Variants in TTLL7 observed in about 807,000 individuals in gnomAD.
The protein encoded by TTLL7 is tubulin polyglutamylase TTLL7.
A neutral mutation model predicts 120.2 loss-of-function variants in TTLL7; 53 were observed. The ratio of observed to expected loss-of-function variants is 0.44; its 90% CI spans 0.35 to 0.55. The LOEUF is 0.55. Among genes scored for constraint, TTLL7 ranks in the 20% least tolerant of loss-of-function variants. The pLI is 0.00. For synonymous variants in TTLL7, 353 were observed against 351.7 expected, an observed-to-expected ratio of 1.00 and a Z score of -0.04; for missense variants, 803 against 1,054.7, an observed-to-expected ratio of 0.76 and a Z score of 3.31.
chr1:83,923,320 T>G (rs1421978816), intron 10 of TTLL7, among the ~76,000 whole-genome samples: 1 of 140,502 alleles, frequency 7.1e-6, no homozygotes, highest in African/African-American at 2.7e-5. Context: ...AAAATAGAAA[T>G]GAAAAGAGGA....
chr1:83,908,798 T>C (rs953863651), intron 15 of TTLL7, among the ~76,000 whole-genome samples: 1 of 151,984 alleles, frequency 6.6e-6, no homozygotes, highest in Non-Finnish European at 1.5e-5. Context: ...ATATTTCTCT[T>C]CATTAGCTGT....
chr1:83,890,234 ATCAT>A (rs755950567), intron 19 of TTLL7, 83 bp downstream of exon 19: 106 of 1,320,234 alleles, frequency 8.0e-5, no homozygotes, highest in Non-Finnish European at 1.0e-4. Flanking sequence ...ATTTTAAAAG[ATCAT>A]TCAAGCATTT....
At chr1:83,988,959 C>T (rs1246174676) in intron 1 of TTLL7, among the ~76,000 whole-genome samples, 2 of 152,094 alleles carry the variant, frequency 1.3e-5, no homozygotes, top group African/African-American at 2.4e-5. Context: ...CCGCCCTCCT[C>T]GGCCCTCCAA....
Position 83,911,363 on chromosome 1 carries a change from G to A in TTLL7, c.1588C>T (p.Pro530Ser), listed in dbSNP as rs1298559110. Residue 530 changes from proline (P) to serine (S), a missense_variant and splice_region_variant, in exon 15 of 21, where the codon CCT becomes TCT. Physicochemically the swap from Pro to Ser is moderately conservative, Grantham distance 74. Transcript: ENST00000260505. ...GTACTCTCAGGCATAGAACACAGAG[G>A]CTAAAAAAGATGGAAATGTGTTATT... ...GKTTKTRGPK[P>S]LCSMPESTEI... The A allele has an allele frequency of 1.3e-6, 2 of 1,597,988 alleles. No homozygotes were observed. The highest frequency in any genetic ancestry group is 2.3e-5 in the South Asian group (2 of 87,450).
At chr1:83,870,549 A>G (rs114187840) in intron 20 of TTLL7, among the ~76,000 whole-genome samples, 1,882 of 152,350 alleles carry the variant, frequency 0.012, 37 homozygotes, top group African/African-American at 0.043. Context: ...AAAGTTAAAG[A>G]TTAACATTCC....
At chr1:83,995,142 T>C (rs1653365853) in intron 1 of TTLL7, among the ~76,000 whole-genome samples, 1 of 152,150 alleles carries the variant, frequency 6.6e-6, no homozygotes, top group South Asian at 2.1e-4. Context: ...TCAAAAGAAG[T>C]TGCTTGAAAG....
chr1:83,915,663 G>C lies in TTLL7; in HGVS notation c.1587+1941C>G, dbSNP rs538176443. Among the ~76,000 whole-genome samples, 30 of 152,196 alleles carry C rather than the reference G, an allele frequency of 2.0e-4. No individual in the cohort carries two copies. In the South Asian group the frequency reaches 5.0e-3, roughly 25 times the overall value. On this transcript the variant is annotated intron_variant, in intron 14 of 20. Transcript: ENST00000260505. ...AAATGGGATCTAATTAAACTAAAGAGCTTCTGCACAGCAAAAGAAACTACT... is the reference window on the plus strand; with the variant it reads ...AAATGGGATCTAATTAAACTAAAGACCTTCTGCACAGCAAAAGAAACTACT...
chr1:83,910,464 A>G (rs1268459635), intron 15 of TTLL7, among the ~76,000 whole-genome samples: 3 of 152,158 alleles, frequency 2.0e-5, no homozygotes, highest in African/African-American at 7.2e-5. Flanking sequence ...ACATTTGGGG[A>G]TGAAAGAAAA....
intron 18 of TTLL7, among the ~76,000 whole-genome samples, chr1:83,894,963 A>T (rs1469099419): frequency 6.6e-6 from 1 of 151,930 alleles, no homozygotes; most frequent in Non-Finnish European, 1.5e-5. Flanking sequence ...AGGAACCCAA[A>T]TCCTTCAACT....
At chr1:83,914,649 C>G (rs1657983664) in intron 14 of TTLL7, among the ~76,000 whole-genome samples, 2 of 152,196 alleles carry the variant, frequency 1.3e-5, no homozygotes, top group South Asian at 4.1e-4. Context: ...TCTCTTAATG[C>G]TTAGAGCACT....
At chr1:83,983,406 G>A (rs1455648170) in intron 1 of TTLL7, among the ~76,000 whole-genome samples, 1 of 152,130 alleles carries the variant, frequency 6.6e-6, no homozygotes, top group Non-Finnish European at 1.5e-5. Flanking sequence ...TAACTGGCTA[G>A]CCACATGCAG....
intron 10 of TTLL7, among the ~76,000 whole-genome samples, chr1:83,923,255 A>G (rs1658831871): frequency 7.2e-6 from 1 of 139,724 alleles, no homozygotes; most frequent in South Asian, 2.1e-4. Context: ...CATTTTATCT[A>G]GAATGATCAT....
At chr1:83,961,994 C>T (rs1650056901) in intron 1 of TTLL7, among the ~76,000 whole-genome samples, 1 of 152,088 alleles carries the variant, frequency 6.6e-6, no homozygotes, top group Non-Finnish European at 1.5e-5. Context: ...GGAGTTGAAA[C>T]TTAGGGTCTG....
At chr1:83,964,780 C>T (rs1650304998) in intron 1 of TTLL7, among the ~76,000 whole-genome samples, 1 of 152,058 alleles carries the variant, frequency 6.6e-6, no homozygotes, top group Non-Finnish European at 1.5e-5. Context: ...TGACAGTTGA[C>T]CCTAGGTATT....
Position 83,952,167 on chromosome 1 carries a change from A to C in TTLL7, c.25+20T>G. The C allele has an allele frequency of 6.2e-7, 1 of 1,611,520 alleles. No individual in the cohort carries two copies. The highest frequency in any genetic ancestry group is 1.1e-5 in the South Asian group (1 of 91,000). ...ATAACACCTCCATATTTTGTAACAT[A>C]GTTAAGTCAATTTCCCTACCTCCTT... is the stretch of plus-strand genomic sequence containing the variant. On this transcript the variant is annotated intron_variant, in intron 2 of 20. Transcript: ENST00000260505.
intron 14 of TTLL7, 149 bp downstream of exon 14, chr1:83,917,455 G>T: frequency 1.7e-6 from 1 of 572,604 alleles, no homozygotes; most frequent in East Asian, 2.8e-5. Flanking sequence ...TGAGTGTAAG[G>T]TATCATCATC....
intron 1 of TTLL7, among the ~76,000 whole-genome samples, chr1:83,967,705 A>G (rs549238827): frequency 4.8e-4 from 73 of 152,216 alleles, no homozygotes; most frequent in African/African-American, 1.6e-3. Flanking sequence ...CCCCGTAAAA[A>G]TAGTATAATT....
intron 18 of TTLL7, among the ~76,000 whole-genome samples, chr1:83,893,379 A>G (rs1655944649): frequency 6.6e-6 from 1 of 152,048 alleles, no homozygotes; most frequent in Admixed American, 6.6e-5. Flanking sequence ...TTTGTAAAAA[A>G]ACAAAAAGAA....
At chr1:83,915,656 C>G (rs1312181967) in intron 14 of TTLL7, among the ~76,000 whole-genome samples, 1 of 152,054 alleles carries the variant, frequency 6.6e-6, no homozygotes, top group African/African-American at 2.4e-5. Context: ...TCTAATTAAA[C>G]TAAAGAGCTT....
Sources: gnomAD v4.1 joint callset for allele counts (sites outside exome capture counted in the v4.1 genomes callset) on GRCh38, gnomAD v4.1.1 for gene constraint, MANE v1.5 for transcripts, NCBI Gene and HGNC (gene_info 2026-07-23, HGNC 2026-07-21) for gene names.